The following VPS13A variants were observed in gnomAD, a reference collection of about 807,000 sequenced individuals.
VPS13A encodes the protein intermembrane lipid transfer protein VPS13A.
A neutral mutation model predicts 390.9 loss-of-function variants in VPS13A; 264 were observed. The observed-to-expected ratio is 0.68, with a 90% confidence interval of 0.61 to 0.75. The LOEUF (loss-of-function observed/expected upper bound fraction) is 0.75, where lower values mean the gene tolerates loss of function less well. VPS13A is among the 30% of genes least tolerant of loss of function. The pLI, the probability that VPS13A is intolerant of heterozygous loss-of-function variation, is 0.00. For missense variants in VPS13A, 3,409 were observed against 3,733.9 expected (o/e 0.91, Z 2.27); for synonymous variants, 1,231 against 1,227.1 (o/e 1.00, Z -0.07).
chr9:77,206,330 T>TATATAC (rs1289291916), intron 5 of VPS13A, among the ~76,000 whole-genome samples: 1 of 131,714 alleles, frequency 7.6e-6, no homozygotes, highest in African/African-American at 2.9e-5. Context: ...ACATATTTTT[T>TATATAC]ATATATATAT....
At position 77,415,976 on chromosome 9, in the gene VPS13A, A is replaced by T; in HGVS notation, c.9495A>T (p.Gln3165His). ...CGCAGTGGATCCTCACAAAGCTACA[A>T]GAAGCAAGAGAACCTTCTCCGAGCC... Reference protein sequence around the residue: ...EDARWILTKLQEAREPSPSL With the variant: ...EDARWILTKLHEAREPSPSL Residue 3165 changes from glutamine (Q) to histidine (H), a missense_variant, in exon 72 of 72, where the codon CAA becomes CAT. This residue lies in a region of VPS13A where 318 missense variants were observed against 333.7 expected (regional missense o/e 0.95). Coordinates refer to ENST00000360280, the MANE Select transcript of VPS13A (RefSeq NM_033305.3). 2 of 1,613,596 alleles carry T rather than the reference A, an allele frequency of 1.2e-6. No homozygotes were observed. Among genetic ancestry groups the T allele is most frequent in the East Asian group, 4.5e-5 (2 of 44,858 alleles).
rs566684854 is a variant in VPS13A at position 77,300,949 on chromosome 9, G to T, written c.3813-1966G>T. ...TGAACATAGTTCCTGCCCTCATGAA[G>T]CTTTCATTCTAATTAAAAATATAGA... On this transcript the variant is annotated intron_variant, in intron 33 of 71. Coordinates refer to ENST00000360280, the MANE Select transcript of VPS13A (RefSeq NM_033305.3). Among the ~76,000 whole-genome samples the T allele has an allele frequency of 6.6e-4, 101 of 152,278 alleles. 1 individual carries two copies. Among genetic ancestry groups the T allele is most frequent in the African/African-American group, 2.4e-3 (99 of 41,554 alleles).
chr9:77,316,386 A>G lies in VPS13A; in HGVS notation c.4843A>G (p.Arg1615Gly). ...AGCCTGCCCGTTTCTTCCAGTCAAGAGAAAAGGCAAAATCACTACTGTGAG... is the reference window on the plus strand; with the variant it reads ...AGCCTGCCCGTTTCTTCCAGTCAAGGGAAAAGGCAAAATCACTACTGTGAG... Reference protein sequence around the residue: ...VRACPFLPVKRKGKITTVLQP... With the variant: ...VRACPFLPVKGKGKITTVLQP... The change falls in exon 39 of 72, where the codon AGA becomes GGA. Residue 1615 changes from arginine to glycine, a missense_variant. Coordinates refer to ENST00000360280, the MANE Select transcript of VPS13A (RefSeq NM_033305.3). 6.2e-7 allele frequency: 1 copy of G among 1,612,902 alleles called. No homozygotes were observed. The highest frequency in any genetic ancestry group is 8.5e-7 in the Non-Finnish European group (1 of 1,179,102).
At chr9:77,324,772 G>A (rs1325849281) in intron 45 of VPS13A, among the ~76,000 whole-genome samples, 1 of 144,420 alleles carries the variant, frequency 6.9e-6, no homozygotes, top group Non-Finnish European at 1.5e-5. Context: ...CATCTCCTGG[G>A]TTTAAGCAAT....
Position 77,385,362 on chromosome 9 carries a change from A to AT in VPS13A, c.9189+3281dup, listed in dbSNP as rs1833639225. On this transcript the variant is annotated intron_variant, in intron 68 of 71. Transcript: ENST00000360280. ...TACTTTTTACCGTTTTGTTTCACATATTTTTTGTGAAACAATGAACAAAGT... is the reference window on the plus strand; with the variant it reads ...TACTTTTTACCGTTTTGTTTCACATATTTTTTTGTGAAACAATGAACAAAGT... Among the ~76,000 whole-genome samples, 5 of 151,952 alleles carry AT rather than the reference A, an allele frequency of 3.3e-5. No homozygotes were observed. In the South Asian group the frequency reaches 8.3e-4, roughly 25 times the overall value.
At chr9:77,266,810 G>A (rs1478818287) in intron 23 of VPS13A, among the ~76,000 whole-genome samples, 1 of 152,010 alleles carries the variant, frequency 6.6e-6, no homozygotes, top group Non-Finnish European at 1.5e-5. Context: ...GTCAAATGTA[G>A]GTTTGGTCTT....
intron 41 of VPS13A, 51 bp from the exon 42 acceptor site, chr9:77,319,521 G>A: frequency 1.6e-6 from 2 of 1,253,160 alleles, no homozygotes; most frequent in Non-Finnish European, 2.3e-6. Flanking sequence ...AAAAAACATG[G>A]TGGGAAACAG....
chr9:77,228,053 C>G, intron 16 of VPS13A, 69 bp from the exon 17 acceptor site: 1 of 1,169,818 alleles, frequency 8.5e-7, no homozygotes. Context: ...AATGAATGTA[C>G]TATAAGAATA....
In VPS13A at chr9:77,281,782, T is replaced by C. The variant is rs368297498; in HGVS notation, c.2905-85T>C. On this transcript the variant is annotated intron_variant, in intron 27 of 71. Transcript: ENST00000360280. ...ATGTATATGAACAGCTGGAAAATTA[T>C]ATAAATGTGTATTAGGACTATAATG... 1.2e-4 allele frequency: 99 copies of C among 800,556 alleles called. 1 individual carries two copies. In the East Asian group the frequency reaches 2.2e-3, roughly 17 times the overall value. 49.6% of individuals were successfully genotyped at this position (800,556 alleles called of 1,614,324 possible).
intron 7 of VPS13A, chr9:77,211,728 A>G (rs1825983905): frequency 6.6e-6 from 1 of 152,208 alleles, no homozygotes; most frequent in South Asian, 2.1e-4. Flanking sequence ...GGTAACCGTG[A>G]TAACAGTAGT....
Position 77,417,541 on chromosome 9 carries a change from G to C in VPS13A, c.*1535G>C, listed in dbSNP as rs373534054. The C allele has an allele frequency of 7.0e-6, 1 of 143,524 alleles. No homozygotes were observed. The highest frequency in any genetic ancestry group is 1.5e-5 in the Non-Finnish European group (1 of 65,582). 8.9% of individuals were successfully genotyped at this position (143,524 alleles called of 1,614,324 possible). A position where few individuals can be genotyped will look rare whatever the true frequency, so the allele number is the denominator to read the frequency against. ...AAAGTGTGTTTCCATGTTGACCTTT[G>C]TTTAAAAAAAAAAAAAAGTGCTTAT... is the stretch of plus-strand genomic sequence containing the variant. On this transcript the variant is annotated 3_prime_UTR_variant, in exon 72 of 72. Coordinates refer to ENST00000360280, the MANE Select transcript of VPS13A (RefSeq NM_033305.3).
At chr9:77,297,151 A>G (rs551781545) in intron 33 of VPS13A, among the ~76,000 whole-genome samples, 2 of 150,940 alleles carry the variant, frequency 1.3e-5, no homozygotes, top group East Asian at 3.9e-4. Context: ...TGCTTACTTT[A>G]GGTTCAATTT....
At chr9:77,192,906 A>G (rs7854479) in intron 1 of VPS13A, among the ~76,000 whole-genome samples, 4,136 of 152,242 alleles carry the variant, frequency 0.027, 140 homozygotes, top group African/African-American at 0.08. Context: ...GGATGGGGAA[A>G]TTTTTGTGGA....
chr9:77,378,678 T>C (rs1833247531), intron 67 of VPS13A, among the ~76,000 whole-genome samples: 1 of 152,014 alleles, frequency 6.6e-6, no homozygotes, highest in South Asian at 2.1e-4. Context: ...CTATTTTTTC[T>C]ATTCTCTATT....
intron 23 of VPS13A, among the ~76,000 whole-genome samples, chr9:77,269,696 G>A (rs577877592): frequency 2.6e-5 from 4 of 152,078 alleles, no homozygotes; most frequent in Non-Finnish European, 4.4e-5. Flanking sequence ...TTAAAAATTG[G>A]TTATTTGTAG....
chr9:77,319,055 TG>T (rs1195986410), intron 41 of VPS13A, among the ~76,000 whole-genome samples: 1 of 151,876 alleles, frequency 6.6e-6, no homozygotes, highest in Non-Finnish European at 1.5e-5. Flanking sequence ...TAGCCAGTGG[TG>T]GTGGCTCACA....
In VPS13A at chr9:77,362,714, A is replaced by T. The variant is rs73449968; in HGVS notation, c.8211+2073A>T. On this transcript the variant is annotated intron_variant, in intron 59 of 71. Coordinates refer to ENST00000360280, the MANE Select transcript of VPS13A (RefSeq NM_033305.3). ...GTAAATCAATTTGGGAAGTATTGCC[A>T]TCCTAACAGTATTAGGTCTTTCAGT... Among the ~76,000 whole-genome samples the T allele has an allele frequency of 1.5e-3, 233 of 152,334 alleles. 1 individual carries two copies. Among genetic ancestry groups the T allele is most frequent in the African/African-American group, 5.1e-3 (214 of 41,592 alleles).
intron 45 of VPS13A, among the ~76,000 whole-genome samples, chr9:77,324,149 A>G (rs1313650188): frequency 6.6e-6 from 1 of 152,156 alleles, no homozygotes; most frequent in African/African-American, 2.4e-5. Context: ...AGGTTATATT[A>G]ACCTCTACTT....
At chr9:77,270,861 T>G (rs1054906715) in intron 23 of VPS13A, among the ~76,000 whole-genome samples, 8 of 152,188 alleles carry the variant, frequency 5.3e-5, no homozygotes, top group Admixed American at 2.6e-4. Flanking sequence ...ATATGCGGAA[T>G]TTAACTTGAA....
Sources: gnomAD v4.1 joint callset for allele counts (sites outside exome capture counted in the v4.1 genomes callset) on GRCh38, gnomAD v4.1.1 for gene constraint, gnomAD v4.1.1 regional missense constraint, MANE v1.5 for transcripts, NCBI Gene and HGNC (gene_info 2026-07-23, HGNC 2026-07-21) for gene names.